The following BCOR variants were observed in gnomAD, a reference collection of about 807,000 sequenced individuals.
BCOR encodes BCL6 corepressor.
BCOR carries 10 observed loss-of-function variants against 86.7 expected under a neutral mutation model. The ratio of observed to expected loss-of-function variants is 0.12; its 90% CI spans 0.07 to 0.20. BCOR has a LOEUF of 0.20. Among genes scored for constraint, BCOR ranks in the 10% least tolerant of loss-of-function variants. The pLI is 1.00. For missense variants in BCOR, 1,259 were observed against 1,452.1 expected, an observed-to-expected ratio of 0.87 and a Z score of 2.16; for synonymous variants, 611 against 609.0, an observed-to-expected ratio of 1.00 and a Z score of -0.05.
At chrX:40,081,598 A>G (rs773794181) in intron 1 of BCOR, among the ~76,000 whole-genome samples, 3 of 111,678 alleles carry the variant, frequency 2.7e-5, no homozygotes, top group Non-Finnish European at 3.8e-5. Context: ...TTCAATGCCC[A>G]CCTCCACCCC....
intron 1 of BCOR, among the ~76,000 whole-genome samples, chrX:40,084,143 G>A (rs1936242113): frequency 8.9e-6 from 1 of 111,805 alleles, no homozygotes; most frequent in Non-Finnish European, 1.9e-5. Flanking sequence ...TGGGAGGGGT[G>A]CGAATCTCGG....
intron 1 of BCOR, among the ~76,000 whole-genome samples, chrX:40,173,804 T>A (rs1938682845): frequency 1.8e-5 from 2 of 112,551 alleles, no homozygotes; most frequent in Non-Finnish European, 1.9e-5. Flanking sequence ...CCTCTTTAAA[T>A]CAGTTCTCGG....
At chrX:40,147,454 C>T (rs1206016709) in intron 1 of BCOR, among the ~76,000 whole-genome samples, 1 of 112,508 alleles carries the variant, frequency 8.9e-6, no homozygotes, top group Admixed American at 9.3e-5. Context: ...ACCGCCAAGC[C>T]CGGGATGCGT....
At chrX:40,136,725 C>G (rs971491407) in intron 1 of BCOR, among the ~76,000 whole-genome samples, 2 of 111,863 alleles carry the variant, frequency 1.8e-5, no homozygotes, top group Non-Finnish European at 3.8e-5. Context: ...GGTCTTTTTT[C>G]TCCTTGGTTA....
Position 40,077,984 on chromosome X carries a change from G to A in BCOR, c.-40-15C>T, listed in dbSNP as rs1412575901. On this transcript the variant is annotated splice_polypyrimidine_tract_variant and intron_variant, in intron 1 of 14. Coordinates refer to ENST00000378444, the MANE Select transcript of BCOR (RefSeq NM_001123385.2). Reference sequence around the variant, plus strand: ...AAGCGTCTAGTCTGTTAAAAGGAAAGAAAAAAAATCCCAGGAGGTTCAGTA... The same window carrying A: ...AAGCGTCTAGTCTGTTAAAAGGAAAAAAAAAAAATCCCAGGAGGTTCAGTA... 9.5e-6 allele frequency: 10 copies of A among 1,054,220 alleles called. No individual in the cohort carries two copies. The African/African-American group carries it at 1.1e-4, about 12-fold the overall frequency. 86.9% of individuals were successfully genotyped at this position (1,054,220 alleles called of 1,213,427 possible).
At chrX:40,158,339 G>T (rs993495618) in intron 1 of BCOR, among the ~76,000 whole-genome samples, 51 of 112,004 alleles carry the variant, frequency 4.6e-4, no homozygotes, top group African/African-American at 1.6e-3. Context: ...CGCCATCTTG[G>T]CCCGGCTGCG....
chrX:40,174,584 G>A (rs1358556024), intron 1 of BCOR, among the ~76,000 whole-genome samples: 2 of 112,845 alleles, frequency 1.8e-5, no homozygotes, highest in Non-Finnish European at 3.7e-5. Context: ...AAGCCAAAAC[G>A]CAGAACCATC....
At chrX:40,135,453 A>C (rs1288778248) in intron 1 of BCOR, among the ~76,000 whole-genome samples, 1 of 109,240 alleles carries the variant, frequency 9.2e-6, no homozygotes, top group African/African-American at 3.3e-5. Flanking sequence ...GTAGTGACAC[A>C]ATACTCGGCT....
intron 6 of BCOR, 78 bp from the exon 7 acceptor site, chrX:40,064,677 G>A (rs369757693): frequency 9.1e-7 from 1 of 1,096,783 alleles, no homozygotes; most frequent in Non-Finnish European, 1.3e-6. Context: ...GAGTGCGTGG[G>A]ACCACCATGC....
intron 1 of BCOR, among the ~76,000 whole-genome samples, chrX:40,155,149 T>C (rs1385298847): frequency 1.8e-5 from 2 of 111,931 alleles, no homozygotes; most frequent in Non-Finnish European, 3.8e-5. Context: ...ACTTAAATGA[T>C]TGTCCTCCGC....
intron 1 of BCOR, among the ~76,000 whole-genome samples, chrX:40,127,861 A>AAAAT (rs56092715): frequency 0.23 from 19,626 of 85,764 alleles, 2,115 homozygotes; most frequent in East Asian, 0.43. Flanking sequence ...ACCTTGTCTC[A>AAAAT]AAATAAATAA....
rs770137286 is a variant in BCOR, at chrX:40,064,438, T to C, written c.3400A>G (p.Arg1134Gly). Residue 1134 changes from arginine to glycine, a missense_variant, in exon 7 of 15, where the codon AGG becomes GGG. Arg to Gly is a moderately radical substitution (Grantham distance 125). Around this residue, in one of 7 missense-constraint regions of BCOR, gnomAD observed 305 missense variants for 286.1 expected, o/e 1.07. Transcript: ENST00000378444. ...CTGTCACCTGAGACTTTGCGTTTCC[T>C]GTCCACCCGGAGGGTGGGGCTGTGA... ...MPHSPTLRVD[R>G]KRKVSGDSSH... The C allele has an allele frequency of 5.8e-6, 7 of 1,211,129 alleles. No homozygotes were observed. Among genetic ancestry groups the C allele is most frequent in the Non-Finnish European group, 6.7e-6 (6 of 895,396 alleles).
At chrX:40,122,323 C>T (rs1937498368) in intron 1 of BCOR, among the ~76,000 whole-genome samples, 1 of 110,913 alleles carries the variant, frequency 9.0e-6, no homozygotes, top group Admixed American at 9.5e-5. Flanking sequence ...GAATGTGTAC[C>T]CTGGGCCTAC....
intron 1 of BCOR, among the ~76,000 whole-genome samples, chrX:40,143,721 C>A (rs1937975780): frequency 8.9e-6 from 1 of 112,810 alleles, no homozygotes; most frequent in Non-Finnish European, 1.9e-5. Context: ...CTTTGGGAGG[C>A]CGAGGCGGGT....
intron 1 of BCOR, among the ~76,000 whole-genome samples, chrX:40,091,099 G>C (rs1000385308): frequency 1.8e-5 from 2 of 111,932 alleles, no homozygotes; most frequent in African/African-American, 6.5e-5. Context: ...TCTGCCCCTG[G>C]CACCCTGACC....
chrX:40,088,480 G>A (rs1936456420), intron 1 of BCOR, among the ~76,000 whole-genome samples: 1 of 111,216 alleles, frequency 9.0e-6, no homozygotes, highest in South Asian at 3.8e-4. Flanking sequence ...AGGAGGAGGG[G>A]GAGAGGAGGA....
Position 40,074,485 on chromosome X carries a change from G to T in BCOR, c.861C>A (p.Leu287=). 8.3e-7 allele frequency: 1 copy of T among 1,205,938 alleles called. No individual in the cohort carries two copies. The highest frequency in any genetic ancestry group is 1.1e-6 in the Non-Finnish European group (1 of 892,353). The change falls in exon 4 of 15, where the codon CTC becomes CTA. Residue 287 remains leucine, a synonymous_variant. Coordinates refer to ENST00000378444, the MANE Select transcript of BCOR (RefSeq NM_001123385.2). The part of the protein sequence containing the change: ...PPLVHCADKS[L]PWKMGVSPGN... ...CAGGGCTGACGCCCATCTTCCACGG[G>T]AGGCTTTTGTCTGCGCAATGGACGA... is the stretch of plus-strand genomic sequence containing the variant.
intron 2 of BCOR, 35 bp from the exon 3 acceptor site, chrX:40,076,567 T>A: frequency 9.7e-7 from 1 of 1,034,555 alleles, no homozygotes; most frequent in Non-Finnish European, 1.4e-6. Context: ...CATGAAAGCA[T>A]TCCTCACTGA....
At chrX:40,078,033 GAGA>G (rs1935899461) in intron 1 of BCOR, 64 bp from the exon 2 acceptor site, 12 of 654,298 alleles carry the variant, frequency 1.8e-5, no homozygotes, top group Non-Finnish European at 2.5e-5. Flanking sequence ...CAGGGCGCTA[GAGA>G]AGGCCTCTTT....
Sources: allele counts gnomAD v4.1 joint callset (sites outside exome capture counted in the v4.1 genomes callset), GRCh38; gene constraint gnomAD v4.1.1; regional missense constraint gnomAD v4.1.1; transcripts MANE v1.5; gene names NCBI Gene and HGNC (gene_info 2026-07-23, HGNC 2026-07-21).